The following ANK2 variants were observed in gnomAD, a reference collection of about 807,000 sequenced individuals.
The protein encoded by ANK2 is ankyrin 2, also known as ankyrin-2.
ANK2 carries 83 observed loss-of-function variants against 360.5 expected under a neutral mutation model. That is an observed-to-expected ratio of 0.23 (90% CI 0.19 to 0.28). The LOEUF (loss-of-function observed/expected upper bound fraction) is 0.28. Among genes scored for constraint, ANK2 ranks in the 10% least tolerant of loss-of-function variants. The pLI is 1.00. For missense variants in ANK2, 4,201 were observed against 4,795.7 expected, an observed-to-expected ratio of 0.88 and a Z score of 3.66; for synonymous variants, 1,740 against 1,759.5, an observed-to-expected ratio of 0.99 and a Z score of 0.28.
chr4:113,094,075 C>G (rs1026872555), intron 1 of ANK2, among the ~76,000 whole-genome samples: 1 of 152,120 alleles, frequency 6.6e-6, no homozygotes, highest in South Asian at 2.1e-4. Context: ...TTTTGTTTCT[C>G]TTTTTCAATT....
At chr4:112,946,512 G>A (rs925219503) in intron 2 of ANK2, among the ~76,000 whole-genome samples, 3 of 152,176 alleles carry the variant, frequency 2.0e-5, no homozygotes, top group African/African-American at 7.2e-5. Flanking sequence ...AACAAGGAAG[G>A]TGGAATCTGG....
chr4:113,353,751 G>T lies in ANK2; in HGVS notation c.5133G>T (p.Lys1711Asn). ...CAGTAAGAAGGAAATTAAAAGAAAA[G>T]CAGAAACAAAAAGAGGAAGGTTTAC... is the stretch of plus-strand genomic sequence containing the variant. ...KKPVRRKLKE[K>N]QKQKEEGLQA... Residue 1711 changes from lysine (K) to asparagine (N), a missense_variant, in exon 38 of 46, where the codon AAG becomes AAT. Coordinates refer to ENST00000357077, the MANE Select transcript of ANK2 (RefSeq NM_001148.6). 1 of 1,613,654 alleles carries T rather than the reference G, an allele frequency of 6.2e-7. No individual in the cohort carries two copies. The highest frequency in any genetic ancestry group is 8.5e-7 in the Non-Finnish European group (1 of 1,179,910).
intron 2 of ANK2, among the ~76,000 whole-genome samples, chr4:113,038,579 G>A (rs1195127747): frequency 6.6e-6 from 1 of 151,834 alleles, no homozygotes; most frequent in Non-Finnish European, 1.5e-5. Context: ...ATGCTCTTCA[G>A]CAATGTGACC....
chr4:113,278,617 T>G, intron 17 of ANK2, 59 bp downstream of exon 17: 2 of 1,529,218 alleles, frequency 1.3e-6, no homozygotes, highest in South Asian at 2.3e-5. Flanking sequence ...TGAAAACACA[T>G]GAGAATTGTC....
At chr4:113,047,427 T>C (rs531803015), upstream of ANK2, among the ~76,000 whole-genome samples, 2 of 152,326 alleles carry the variant, frequency 1.3e-5, no homozygotes, top group South Asian at 4.1e-4. Flanking sequence ...GTGCCTCTAG[T>C]GCTCAGTTCC....
chr4:113,272,452 A>T (rs954160636), intron 14 of ANK2, among the ~76,000 whole-genome samples: 1 of 152,198 alleles, frequency 6.6e-6, no homozygotes, highest in Non-Finnish European at 1.5e-5. Flanking sequence ...AGTAAATTCA[A>T]CTTTTGCAAT....
chr4:112,997,604 G>A (rs2049026244), intron 2 of ANK2, among the ~76,000 whole-genome samples: 1 of 152,028 alleles, frequency 6.6e-6, no homozygotes, highest in Admixed American at 6.6e-5. Flanking sequence ...CCCTGTTTTG[G>A]AGACTGTAGC....
rs183809249 is a variant in ANK2, at chr4:113,151,960, G to T, written c.85-22456G>T. On this transcript the variant is annotated intron_variant, in intron 1 of 45. Coordinates refer to ENST00000357077, the MANE Select transcript of ANK2 (RefSeq NM_001148.6). ...CACACATCTGTAATTCCAGCTACTG[G>T]GGGGCTGAGGTGGGAGGATCACTTG... Among the ~76,000 whole-genome samples, 258 of 150,552 alleles carry T rather than the reference G, an allele frequency of 1.7e-3. 1 individual carries two copies. The South Asian group carries it at 0.022, about 13-fold the overall frequency.
At chr4:112,713,846 A>G in the ANK2 span, among the ~76,000 whole-genome samples, 1 of 150,542 alleles carries the variant, frequency 6.6e-6, no homozygotes, top group African/African-American at 2.4e-5. Context: ...AGGCATGGGA[A>G]TGGCGTGAAC....
At chr4:113,025,018 GTTTTC>G (rs1339845132) in intron 2 of ANK2, among the ~76,000 whole-genome samples, 1 of 151,876 alleles carries the variant, frequency 6.6e-6, no homozygotes, top group East Asian at 1.9e-4. Flanking sequence ...TACTCTAGGA[GTTTTC>G]TTTTCCACTA....
chr4:113,076,331 T>C (rs926758489), intron 1 of ANK2, among the ~76,000 whole-genome samples: 1 of 152,250 alleles, frequency 6.6e-6, no homozygotes, highest in African/African-American at 2.4e-5. Flanking sequence ...TGCTAAGGCA[T>C]TGTATTCTTA....
chr4:112,833,061 A>T (rs1490772990), intron 1 of ANK2, among the ~76,000 whole-genome samples: 2 of 152,246 alleles, frequency 1.3e-5, no homozygotes, highest in South Asian at 2.1e-4. Context: ...TCGTTTGGAC[A>T]TGGGACAGTT....
intron 2 of ANK2, among the ~76,000 whole-genome samples, chr4:112,928,781 C>T (rs1581325369): frequency 3.3e-5 from 5 of 152,016 alleles, no homozygotes; most frequent in African/African-American, 7.2e-5. Flanking sequence ...CTTGACACTT[C>T]GATCTTGAAC....
chr4:113,093,110 A>T (rs685798), intron 1 of ANK2, among the ~76,000 whole-genome samples: 124,282 of 151,758 alleles, frequency 0.82, 51,472 homozygotes, highest in African/African-American at 0.95. Flanking sequence ...TAGTGCAGTT[A>T]TATAGATTTA....
At chr4:113,057,088 G>C (rs1424231782) in intron 1 of ANK2, among the ~76,000 whole-genome samples, 1 of 152,156 alleles carries the variant, frequency 6.6e-6, no homozygotes, top group Non-Finnish European at 1.5e-5. Flanking sequence ...TGTGTTAGGT[G>C]CTATGGCATG....
intron 2 of ANK2, among the ~76,000 whole-genome samples, chr4:113,175,900 T>C (rs957825405): frequency 2.0e-5 from 3 of 152,200 alleles, no homozygotes; most frequent in Non-Finnish European, 4.4e-5. Flanking sequence ...AGCTACTTAA[T>C]GTTGGGAAAG....
At chr4:112,858,481 G>A (rs544114517) in intron 1 of ANK2, among the ~76,000 whole-genome samples, 5 of 152,158 alleles carry the variant, frequency 3.3e-5, no homozygotes, top group Non-Finnish European at 7.4e-5. Flanking sequence ...TGTAGTGAGA[G>A]AAGAGAAATT....
At chr4:113,350,649 A>G (rs1407519166) in intron 37 of ANK2, 1 of 187,866 alleles carries the variant, frequency 5.3e-6, no homozygotes, top group Non-Finnish European at 1.1e-5. Flanking sequence ...TTCTGTAGAG[A>G]GCTCATTATT....
At chr4:112,960,064 T>C (rs1171121851) in intron 2 of ANK2, among the ~76,000 whole-genome samples, 1 of 152,184 alleles carries the variant, frequency 6.6e-6, no homozygotes, top group Non-Finnish European at 1.5e-5. Context: ...TAATAATTTA[T>C]TTAAAATAGC....
Sources: allele counts gnomAD v4.1 joint callset (sites outside exome capture counted in the v4.1 genomes callset), GRCh38; gene constraint gnomAD v4.1.1; transcripts MANE v1.5; gene names NCBI Gene and HGNC (gene_info 2026-07-23, HGNC 2026-07-21).